The following BTBD8 variants were observed in gnomAD, a reference collection of about 807,000 sequenced individuals.
BTBD8 encodes BTB domain containing 8.
In BTBD8, 110 loss-of-function variants were observed where a neutral mutation model predicts 162.9. The observed-to-expected ratio is 0.68, with a 90% CI of 0.58 to 0.79. BTBD8 has a LOEUF of 0.79. Ranked by LOEUF, BTBD8 falls within the 30% of genes least tolerant of loss-of-function variation. BTBD8 has a pLI of 0.00. For missense variants in BTBD8, 1,905 were observed against 2,085.4 expected (o/e 0.91, Z 1.68); for synonymous variants, 667 against 716.1 (o/e 0.93, Z 1.10).
chr1:92,115,824 C>A (rs959085356), intron 4 of BTBD8: 2 of 185,722 alleles, frequency 1.1e-5, no homozygotes, highest in Admixed American at 5.4e-5. Flanking sequence ...AGGGACATGA[C>A]TGGTGCTGCC....
intron 4 of BTBD8, among the ~76,000 whole-genome samples, chr1:92,118,282 C>CTTTTTTTTTTTTTTTTTTT (rs3040583): frequency 8.2e-6 from 1 of 122,314 alleles, no homozygotes; most frequent in Non-Finnish European, 1.7e-5. Context: ...TTCAGACTTT[C>CTTTTTTTTTTTTTTTTTTT]TTTTTTTTTT....
intron 4 of BTBD8, among the ~76,000 whole-genome samples, chr1:92,113,905 A>G (rs544633918): frequency 6.6e-6 from 1 of 151,662 alleles, no homozygotes; most frequent in South Asian, 2.1e-4. Flanking sequence ...CCAGTTACTC[A>G]GGAGGCTAAG....
At position 92,126,819 on chromosome 1, in the gene BTBD8, A is replaced by G. The variant is rs145216024; in HGVS notation, c.663-2868A>G. Among the ~76,000 whole-genome samples, 267 of 152,230 alleles carry G rather than the reference A, an allele frequency of 1.8e-3. 3 individuals are homozygous for G. The highest frequency in any genetic ancestry group is 5.9e-3 in the African/African-American group (244 of 41,530). On this transcript the variant is annotated intron_variant, in intron 4 of 17. Coordinates refer to ENST00000636805, the MANE Select transcript of BTBD8 (RefSeq NM_001376131.1). ...ACAGTGTAAGATTTTTTTTTAACTG[A>G]CATAACTTTCCGGTTTTAAGCATAT...
At chr1:92,116,028 C>G (rs1341377580) in intron 4 of BTBD8, among the ~76,000 whole-genome samples, 1 of 152,042 alleles carries the variant, frequency 6.6e-6, no homozygotes, top group Non-Finnish European at 1.5e-5. Context: ...CTGTAGCCTA[C>G]AAATTTTGAT....
intron 7 of BTBD8, among the ~76,000 whole-genome samples, chr1:92,143,273 A>T (rs1005917349): frequency 9.9e-5 from 15 of 152,152 alleles, no homozygotes; most frequent in African/African-American, 3.4e-4. Flanking sequence ...AGCTGTAAAA[A>T]TAGTCTTTTA....
chr1:92,139,648 CTT>C lies in BTBD8; in HGVS notation c.833+220_833+221del, dbSNP rs201063473. On this transcript the variant is annotated intron_variant, in intron 6 of 17. Transcript: ENST00000636805. Reference sequence around the variant, plus strand: ...TCACAGTAATAAGATTGAGAACAGTCTTTATTAGACTTAAATTTAGAAGAAGC... The same window carrying C: ...TCACAGTAATAAGATTGAGAACAGTCTATTAGACTTAAATTTAGAAGAAGC... 3,250 of 861,128 alleles carry C rather than the reference CTT, an allele frequency of 3.8e-3. 82 individuals are homozygous for C. In the African/African-American group the frequency reaches 0.07, roughly 19 times the overall value. 53.3% of individuals were successfully genotyped at this position (861,128 alleles called of 1,614,324 possible). A position where few individuals can be genotyped will look rare whatever the true frequency, so the allele number is the denominator to read the frequency against.
At chr1:92,157,164 G>A (rs1323693976) in intron 9 of BTBD8, among the ~76,000 whole-genome samples, 1 of 151,814 alleles carries the variant, frequency 6.6e-6, no homozygotes, top group East Asian at 1.9e-4. Context: ...TTTATCCTTT[G>A]ATTCTTTTCT....
chr1:92,182,449 A>AT lies in BTBD8; in HGVS notation c.4767dup (p.Gln1590SerfsTer7), dbSNP rs1650943295. 7 of 1,551,546 alleles carry AT rather than the reference A, an allele frequency of 4.5e-6. No homozygotes were observed. Among genetic ancestry groups the AT allele is most frequent in the Non-Finnish European group, 5.2e-6 (6 of 1,146,922 alleles). On this transcript the variant is annotated frameshift_variant, in exon 17 of 18. Coordinates refer to ENST00000636805, the MANE Select transcript of BTBD8 (RefSeq NM_001376131.1). LOFTEE classifies it high-confidence loss of function. ...GAAAGACCATGTCACTTGGATCTTC[A>AT]TCAAAGAGAACCCAATTCTGACATA...
At chr1:92,140,880 C>T (rs552354328) in intron 6 of BTBD8, among the ~76,000 whole-genome samples, 87 of 152,322 alleles carry the variant, frequency 5.7e-4, no homozygotes, top group Non-Finnish European at 9.3e-4. Flanking sequence ...TGAGACATCT[C>T]CAAATTTATT....
chr1:92,174,300 T>C (rs1010062870), intron 13 of BTBD8, among the ~76,000 whole-genome samples: 3 of 152,082 alleles, frequency 2.0e-5, no homozygotes, highest in African/African-American at 7.2e-5. Context: ...AAGGGATCCT[T>C]CCACCTCTGC....
chr1:92,139,932 C>CAAAAAAAAAAAAAAAAAAAAAA lies in BTBD8; in HGVS notation c.833+512_833+533dup, dbSNP rs748883480. On this transcript the variant is annotated intron_variant, in intron 6 of 17. Transcript: ENST00000636805. The stretch of plus-strand genomic sequence containing the variant: ...TGAAACCTCGTCTCTACTAAAAATA[C>CAAAAAAAAAAAAAAAAAAAAAA]AAAAAAAAAAAAAAAAAAAAAAAAA... 1.6e-4 allele frequency: 3 copies of CAAAAAAAAAAAAAAAAAAAAAA among 18,216 alleles called. 1 individual carries two copies. The highest frequency in any genetic ancestry group is 4.7e-4 in the African/African-American group (3 of 6,362). The allele number at this position is 18,216 out of a possible 1,614,324, so 1.1% of individuals were successfully genotyped here.
At chr1:92,159,159 T>C (rs1038296600) in intron 9 of BTBD8, among the ~76,000 whole-genome samples, 1 of 148,040 alleles carries the variant, frequency 6.8e-6, no homozygotes, top group South Asian at 2.1e-4. Context: ...ATATTTTTCT[T>C]TTCTTTCTTT....
chr1:92,131,601 G>A (rs1649517198), intron 5 of BTBD8, among the ~76,000 whole-genome samples: 1 of 151,832 alleles, frequency 6.6e-6, no homozygotes. Context: ...GCACGTGCCT[G>A]TAATCCCAGC....
chr1:92,153,654 C>T (rs1423295501), intron 9 of BTBD8, among the ~76,000 whole-genome samples: 1 of 152,204 alleles, frequency 6.6e-6, no homozygotes, highest in Non-Finnish European at 1.5e-5. Context: ...ATGTCCTCAA[C>T]ATTCATCCAT....
intron 5 of BTBD8, among the ~76,000 whole-genome samples, chr1:92,130,539 T>TACACACAC (rs59796834): frequency 0.011 from 1,503 of 131,170 alleles, 31 homozygotes; most frequent in African/African-American, 0.038. Context: ...TATATATATT[T>TACACACAC]ACACACACAC....
At chr1:92,133,545 T>A (rs1649561340) in intron 5 of BTBD8, among the ~76,000 whole-genome samples, 1 of 152,224 alleles carries the variant, frequency 6.6e-6, no homozygotes, top group African/African-American at 2.4e-5. Flanking sequence ...TCGAAGACAA[T>A]CCTGTCTGTC....
chr1:92,184,142 CA>C lies in BTBD8; in HGVS notation c.5192del (p.Gln1731ArgfsTer5). On this transcript the variant is annotated frameshift_variant, in exon 18 of 18. Transcript: ENST00000636805. LOFTEE classifies it high-confidence loss of function. ...DLSLAQYLIN[Q>X]TLLLARDSSK... ...AAGTTTAGCACAGTATCTAATCAAT[CA>C]GACACTACTTTTAGCACGAGATAGC... 6.4e-7 allele frequency: 1 copy of C among 1,551,612 alleles called. No individual in the cohort carries two copies. Among genetic ancestry groups the C allele is most frequent in the Non-Finnish European group, 8.7e-7 (1 of 1,146,858 alleles).
At chr1:92,159,584 G>T (rs568506311) in intron 9 of BTBD8, among the ~76,000 whole-genome samples, 4 of 152,144 alleles carry the variant, frequency 2.6e-5, no homozygotes, top group African/African-American at 4.8e-5. Flanking sequence ...CTCCTTTTAA[G>T]GCAGATCAAC....
At position 92,181,814 on chromosome 1, in the gene BTBD8, G is replaced by C; in HGVS notation, c.4131G>C (p.Gln1377His). 1 of 1,551,174 alleles carries C rather than the reference G, an allele frequency of 6.4e-7. No individual in the cohort carries two copies. Among genetic ancestry groups the C allele is most frequent in the Non-Finnish European group, 8.7e-7 (1 of 1,146,922 alleles). ...TCCAGTTTGCTCAGGAAATAGATCAGGTATCTTCTTCAGCAGATGAAACAG... is the reference window on the plus strand; with the variant it reads ...TCCAGTTTGCTCAGGAAATAGATCACGTATCTTCTTCAGCAGATGAAACAG... ...GSVQFAQEIDQVSSSADETED... is the reference protein window; with the variant it reads ...GSVQFAQEIDHVSSSADETED... Residue 1377 changes from glutamine (Q) to histidine (H), a missense_variant, in exon 17 of 18, where the codon CAG becomes CAC. Transcript: ENST00000636805.
Sources: allele counts gnomAD v4.1 joint callset (sites outside exome capture counted in the v4.1 genomes callset), GRCh38; gene constraint gnomAD v4.1.1; transcripts MANE v1.5; gene names NCBI Gene and HGNC (gene_info 2026-07-23, HGNC 2026-07-21).